The following GOT1L1 variants were observed in gnomAD, a reference collection of about 807,000 sequenced individuals.
GOT1L1 encodes the protein glutamic-oxaloacetic transaminase 1 like 1, also known as aspartate aminotransferase, cytoplasmic 2.
In GOT1L1, 38 loss-of-function variants were observed where a neutral mutation model predicts 43.6. The ratio of observed to expected loss-of-function variants is 0.87; its 90% CI spans 0.67 to 1.14. GOT1L1 has a LOEUF of 1.14. GOT1L1 is among the 50% of genes most tolerant of loss of function. GOT1L1 has a pLI of 0.00. For missense variants in GOT1L1, 482 were observed against 504.0 expected, an observed-to-expected ratio of 0.96 and a Z score of 0.42; for synonymous variants, 183 against 187.2, an observed-to-expected ratio of 0.98 and a Z score of 0.18.
rs370905378 is a variant in GOT1L1 at position 37,938,828 on chromosome 8, G to A, written c.169C>T (p.Arg57Ter). Residue 57 changes from arginine (R) to a stop codon, truncating the protein, a stop_gained, in exon 2 of 9, where the codon CGA (arginine) becomes TGA (stop). Coordinates refer to ENST00000307599, the MANE Select transcript of GOT1L1 (RefSeq NM_152413.3). LOFTEE classifies it high-confidence loss of function. ...GAGGGATCCTGTGAAATCTGTAGTC[G>A]AGTCTTCTGCACCACGAGAGAAACC... ...PWVSLVVQKTRLQISQDPSLN... is the reference protein window; with the variant it reads ...PWVSLVVQKT The A allele has an allele frequency of 2.7e-5, 43 of 1,613,748 alleles. No homozygotes were observed. Among genetic ancestry groups the A allele is most frequent in the South Asian group, 7.7e-5 (7 of 91,050 alleles).
In GOT1L1 at chr8:37,937,745, C is replaced by T. The variant is rs374820148; in HGVS notation, c.302G>A (p.Gly101Glu). ...ACTGTCACCAACAGTGTGTACACCC[C>T]CTACCTGCCAGCAAGACATAGACAC... Reference protein sequence around the residue: ...HSQAIVENRVGGVHTVGDSGA... With the variant: ...HSQAIVENRVEGVHTVGDSGA... Residue 101 changes from glycine to glutamate, a missense_variant, in exon 3 of 9, where the codon GGG becomes GAG. Coordinates refer to ENST00000307599, the MANE Select transcript of GOT1L1 (RefSeq NM_152413.3). 5.2e-5 allele frequency: 84 copies of T among 1,609,970 alleles called. 1 individual carries two copies. The East Asian group carries it at 6.0e-4, about 12-fold the overall frequency.
rs1189116665 is a variant in GOT1L1, at chr8:37,938,879, A to G, written c.118T>C (p.Cys40Arg). The G allele has an allele frequency of 1.2e-6, 2 of 1,613,384 alleles. No homozygotes were observed. The highest frequency in any genetic ancestry group is 1.7e-6 in the Non-Finnish European group (2 of 1,179,622). ...CAGGGATGGCCTTCATTTGTCATGC[A>G]GACTGTGAGGAAAACCACAGAGGGA... ...PNKIFLAYRV[C>R]MTNEGHPWVS... is the part of the protein sequence containing the mutation. Residue 40 changes from cysteine (C) to arginine (R), a missense_variant and splice_region_variant, in exon 2 of 9, where the codon TGC becomes CGC. Transcript: ENST00000307599.
At chr8:37,937,098 A>G (rs751544925) in intron 4 of GOT1L1, 41 bp from the exon 5 acceptor site, 1 of 1,582,920 alleles carries the variant, frequency 6.3e-7, no homozygotes, top group South Asian at 1.1e-5. Context: ...ACCCCCACCC[A>G]GGAGTGGCGG....
At chr8:37,936,911 G>A in intron 5 of GOT1L1, 41 bp from the exon 6 acceptor site, 1 of 1,611,514 alleles carries the variant, frequency 6.2e-7, no homozygotes, top group Non-Finnish European at 8.5e-7. Context: ...GAGACAGATG[G>A]AGGAGAGAGC....
rs1807703254 is a variant in GOT1L1, at chr8:37,934,903, G to A, written c.1072+170C>T. On this transcript the variant is annotated intron_variant, in intron 8 of 8. Transcript: ENST00000307599. Reference sequence around the variant, plus strand: ...CAGGCTGGTTTATGAAGGATAGGGAGTGTCGGTACTTCTGGGGGTCCAGAA... The same window carrying A: ...CAGGCTGGTTTATGAAGGATAGGGAATGTCGGTACTTCTGGGGGTCCAGAA... The A allele has an allele frequency of 4.3e-6, 3 of 697,994 alleles. No individual in the cohort carries two copies. In the South Asian group the frequency reaches 5.8e-5, roughly 13 times the overall value. 43.2% of individuals were successfully genotyped at this position (697,994 alleles called of 1,614,324 possible).
chr8:37,939,430 AAATATATATATATATATATATATATATAT>A lies in GOT1L1; in HGVS notation c.115+456_115+484del, dbSNP rs1480234244. On this transcript the variant is annotated intron_variant, in intron 1 of 8. Coordinates refer to ENST00000307599, the MANE Select transcript of GOT1L1 (RefSeq NM_152413.3). ...CCCTGTCTCAAGAAAAAAAAAAAAA[AAATATATATATATATATATATATATATAT>A]ATATATATATATATGCAAAATGAGA... 9.1e-4 allele frequency among the ~76,000 whole-genome samples: 54 copies of A among 59,446 alleles called. 4 individuals carry two copies. In the Middle Eastern group the frequency reaches 0.04, roughly 44 times the overall value. 39.0% of individuals were successfully genotyped at this position (59,446 alleles called of 152,430 possible). A position where few individuals can be genotyped will look rare whatever the true frequency, so the allele number is the denominator to read the frequency against.
At chr8:37,938,965 C>A in intron 1 of GOT1L1, 84 bp from the exon 2 acceptor site, 1 of 1,193,308 alleles carries the variant, frequency 8.4e-7, no homozygotes, top group South Asian at 1.3e-5. Flanking sequence ...GCAAACAAAT[C>A]TCTCCTGGAC....
chr8:37,934,486 G>A lies in GOT1L1; in HGVS notation c.1073C>T (p.Ser358Phe), dbSNP rs1228070668. The stretch of plus-strand genomic sequence containing the variant: ...CCTGACCAGGTATTCCACCTGCTGG[G>A]CTAAAATCATGACAAGGTCTCAGAT... ...SGTHGYLGLNSQQVEYLVRKK... is the reference protein window; with the variant it reads ...SGTHGYLGLNFQQVEYLVRKK... Residue 358 changes from serine (S) to phenylalanine (F), a missense_variant and splice_region_variant, in exon 9 of 9, where the codon TCC (serine) becomes TTC (phenylalanine). Ser to Phe is a radical substitution (Grantham distance 155). Transcript: ENST00000307599. 2.5e-6 allele frequency: 4 copies of A among 1,609,782 alleles called. No homozygotes were observed. In the East Asian group the frequency reaches 8.9e-5, roughly 36 times the overall value.
chr8:37,939,874 C>T, intron 1 of GOT1L1, 41 bp downstream of exon 1: 1 of 1,586,134 alleles, frequency 6.3e-7, no homozygotes, highest in Non-Finnish European at 8.6e-7. Flanking sequence ...AGGCAGTTAC[C>T]ATCACTTAAG....
intron 4 of GOT1L1, 66 bp downstream of exon 4, chr8:37,937,211 G>C (rs529582480): frequency 8.1e-7 from 1 of 1,241,414 alleles, no homozygotes; most frequent in African/African-American, 1.5e-5. Flanking sequence ...AAGAGGTGTG[G>C]GGAGGAGAGG....
chr8:37,940,101 TCCA>T lies in GOT1L1; in HGVS notation c.-75_-73del, dbSNP rs1409590029. 4 of 1,522,446 alleles carry T rather than the reference TCCA, an allele frequency of 2.6e-6. No individual in the cohort carries two copies. The highest frequency in any genetic ancestry group is 3.5e-6 in the Non-Finnish European group (4 of 1,131,572). 94.3% of individuals were successfully genotyped at this position (1,522,446 alleles called of 1,614,324 possible). ...TTCCGCTTCTGCCCAGAAGTCTTCCTCCAAGGCTGGGCCGGGCAGTCCTGCCTC... is the reference window on the plus strand; with the variant it reads ...TTCCGCTTCTGCCCAGAAGTCTTCCTAGGCTGGGCCGGGCAGTCCTGCCTC... On this transcript the variant is annotated 5_prime_UTR_variant, in exon 1 of 9. Coordinates refer to ENST00000307599, the MANE Select transcript of GOT1L1 (RefSeq NM_152413.3).
Position 37,936,774 on chromosome 8 carries a change from G to A in GOT1L1, c.709C>T (p.Gln237Ter). Residue 237 changes from glutamine to a stop codon, truncating the protein, a stop_gained, in exon 6 of 9, where the codon CAA becomes TAA. Transcript: ENST00000307599. LOFTEE classifies it high-confidence loss of function. The part of the protein sequence containing the change: ...DTRILQYFVS[Q>*]GFEFFCSQSL... ...TGGCTGCAGAAGAACTCAAAGCCTT[G>A]AGACACAAAGTATTGTAAGATTCTA... 4 of 1,612,970 alleles carry A rather than the reference G, an allele frequency of 2.5e-6. No homozygotes were observed. Among genetic ancestry groups the A allele is most frequent in the South Asian group, 1.1e-5 (1 of 91,056 alleles).
Position 37,939,781 on chromosome 8 carries a change from T to C in GOT1L1, c.115+134A>G, listed in dbSNP as rs1807877188. 4 of 825,282 alleles carry C rather than the reference T, an allele frequency of 4.8e-6. No homozygotes were observed. The South Asian group carries it at 7.1e-5, about 15-fold the overall frequency. The allele number at this position is 825,282 out of a possible 1,614,324, so 51.1% of individuals were successfully genotyped here. On this transcript the variant is annotated intron_variant, in intron 1 of 8. Transcript: ENST00000307599. ...TCTGCACTTTTCCCCACTGGGTAAT[T>C]CTGTTAACAAGAAAAGATCTCTCCA... is the stretch of plus-strand genomic sequence containing the variant.
chr8:37,937,004 C>A lies in GOT1L1; in HGVS notation c.573G>T (p.Leu191Phe). The A allele has an allele frequency of 6.2e-7, 1 of 1,613,904 alleles. No homozygotes were observed. The highest frequency in any genetic ancestry group is 8.5e-7 in the Non-Finnish European group (1 of 1,179,884). Residue 191 changes from leucine to phenylalanine, a missense_variant, in exon 5 of 9, where the codon TTG becomes TTT. Coordinates refer to ENST00000307599, the MANE Select transcript of GOT1L1 (RefSeq NM_152413.3). Reference sequence around the variant, plus strand: ...TCAACTTTGCCCACCCACTTGGTGTCAACTTGCAGTCGATAATGTTCCCCA... The same window carrying A: ...TCAACTTTGCCCACCCACTTGGTGTAAACTTGCAGTCGATAATGTTCCCCA... Reference protein sequence around the residue: ...LVMGNIIDCKLTPSGWAKLMS... With the variant: ...LVMGNIIDCKFTPSGWAKLMS...
In GOT1L1 at chr8:37,936,781, A is replaced by G; in HGVS notation, c.702T>C (p.Phe234=). ...AGAAGAACTCAAAGCCTTGAGACACAAAGTATTGTAAGATTCTAGTATCTT... is the reference window on the plus strand; with the variant it reads ...AGAAGAACTCAAAGCCTTGAGACACGAAGTATTGTAAGATTCTAGTATCTT... ...LEEDTRILQY[F]VSQGFEFFCS... The change falls in exon 6 of 9, where the codon TTT becomes TTC. Residue 234 remains phenylalanine (F), a synonymous_variant. Transcript: ENST00000307599. The G allele has an allele frequency of 6.2e-7, 1 of 1,613,112 alleles. No homozygotes were observed. The highest frequency in any genetic ancestry group is 1.1e-5 in the South Asian group (1 of 91,062).
At chr8:37,939,865 G>C in intron 1 of GOT1L1, 50 bp downstream of exon 1, 2 of 1,565,124 alleles carry the variant, frequency 1.3e-6, no homozygotes, top group South Asian at 2.3e-5. Flanking sequence ...TCCTCCTAGA[G>C]GCAGTTACCA....
chr8:37,939,427 AAAAAATATATATATAT>A (rs1367496616), intron 1 of GOT1L1, among the ~76,000 whole-genome samples: 2 of 51,012 alleles, frequency 3.9e-5, no homozygotes, highest in Non-Finnish European at 7.1e-5. Flanking sequence ...AAAAAAAAAA[AAAAAATATATATATAT>A]ATATATATAT....
chr8:37,935,191 T>C lies in GOT1L1; in HGVS notation c.954A>G (p.Val318=). 2 of 1,603,942 alleles carry C rather than the reference T, an allele frequency of 1.2e-6. No homozygotes were observed. The highest frequency in any genetic ancestry group is 1.7e-6 in the Non-Finnish European group (2 of 1,174,948). The stretch of plus-strand genomic sequence containing the variant: ...TTTCCTTGGTTAGCATGATGTTCTC[T>C]ACAACTTCTTTTAGACTCTGCTTCC... The part of the protein sequence containing the change: ...GEWKQSLKEV[V]ENIMLTKEKV... Residue 318 remains valine (V), a synonymous_variant, in exon 8 of 9, where the codon GTA becomes GTG. Coordinates refer to ENST00000307599, the MANE Select transcript of GOT1L1 (RefSeq NM_152413.3).
chr8:37,940,049 C>T lies in GOT1L1; in HGVS notation c.-20G>A, dbSNP rs1807885749. 4 of 1,606,576 alleles carry T rather than the reference C, an allele frequency of 2.5e-6. No homozygotes were observed. The East Asian group carries it at 9.0e-5, about 36-fold the overall frequency. On this transcript the variant is annotated 5_prime_UTR_variant, in exon 1 of 9. Transcript: ENST00000307599. ...GGGCATAACTGAAACGAAACTGGAGCCAAGACTATGTGTCTCTGCTCCTGT... is the reference window on the plus strand; with the variant it reads ...GGGCATAACTGAAACGAAACTGGAGTCAAGACTATGTGTCTCTGCTCCTGT...
Sources: gnomAD v4.1 joint callset for allele counts (sites outside exome capture counted in the v4.1 genomes callset) on GRCh38, gnomAD v4.1.1 for gene constraint, MANE v1.5 for transcripts, NCBI Gene and HGNC (gene_info 2026-07-23, HGNC 2026-07-21) for gene names.